RNF216: variants seen among roughly 807,000 people sequenced by gnomAD.
The protein encoded by RNF216 is ring finger protein 216.
RNF216 carries 72 observed loss-of-function variants against 110.8 expected under a neutral mutation model. That is an observed-to-expected ratio of 0.65 (90% CI 0.54 to 0.79). The LOEUF (loss-of-function observed/expected upper bound fraction) is 0.79, where lower values mean the gene tolerates loss of function less well. RNF216 is among the 30% of genes least tolerant of loss of function. The pLI is 0.00. For synonymous variants in RNF216, 495 were observed against 407.5 expected, an observed-to-expected ratio of 1.21 and a Z score of -2.59; for missense variants, 1,342 against 1,141.2, an observed-to-expected ratio of 1.18 and a Z score of -2.54.
Position 5,621,950 on chromosome 7 carries a change from C to G in RNF216, c.*910G>C, listed in dbSNP as rs546093849. 2.0e-5 allele frequency: 3 copies of G among 152,506 alleles called. No individual in the cohort carries two copies. Among genetic ancestry groups the G allele is most frequent in the South Asian group, 2.1e-4 (1 of 4,814 alleles). 9.4% of individuals were successfully genotyped at this position (152,506 alleles called of 1,614,324 possible). On this transcript the variant is annotated 3_prime_UTR_variant, in exon 17 of 17. Transcript: ENST00000389902. ...CCACTGAGAACACCCGGGGCACACACGGGGCAGGGGTGGCACCCAGGGTCA... is the reference window on the plus strand; with the variant it reads ...CCACTGAGAACACCCGGGGCACACAGGGGGCAGGGGTGGCACCCAGGGTCA...
chr7:5,727,178 T>C (rs1375133485), intron 7 of RNF216, among the ~76,000 whole-genome samples: 1 of 152,204 alleles, frequency 6.6e-6, no homozygotes, highest in Non-Finnish European at 1.5e-5. Context: ...TAATCCCCAG[T>C]GTGGCGGTGT....
intron 13 of RNF216, 87 bp from the exon 14 acceptor site, chr7:5,652,597 C>A: frequency 1.2e-6 from 1 of 835,228 alleles, no homozygotes; most frequent in Non-Finnish European, 2.0e-6. Context: ...ATGAAATGAG[C>A]TTTACTTGGC....
intron 1 of RNF216, among the ~76,000 whole-genome samples, chr7:5,765,889 G>GT (rs553852594): frequency 4.6e-4 from 69 of 149,622 alleles, no homozygotes; most frequent in Non-Finnish European, 9.0e-4. Flanking sequence ...GGAGGCAGAG[G>GT]TTGCAGTGAG....
chr7:5,721,245 C>G (rs1793407014), intron 8 of RNF216, 73 bp from the exon 9 acceptor site: 1 of 1,347,790 alleles, frequency 7.4e-7, no homozygotes, highest in South Asian at 1.2e-5. Context: ...CATGTCCATT[C>G]TTCCCGGCCT....
chr7:5,728,703 C>T (rs1177272609), intron 7 of RNF216, among the ~76,000 whole-genome samples: 5 of 152,230 alleles, frequency 3.3e-5, no homozygotes, highest in Non-Finnish European at 7.3e-5. Flanking sequence ...ATTTTAACCA[C>T]TACGATAACT....
Position 5,721,151 on chromosome 7 carries a change from C to G in RNF216, c.1526G>C (p.Arg509Thr). The G allele has an allele frequency of 6.2e-7, 1 of 1,614,064 alleles. No individual in the cohort carries two copies. Among genetic ancestry groups the G allele is most frequent in the African/African-American group, 1.3e-5 (1 of 75,046 alleles). Residue 509 changes from arginine to threonine, a missense_variant, in exon 9 of 17, where the codon AGG becomes ACG. Coordinates refer to ENST00000389902, the MANE Select transcript of RNF216 (RefSeq NM_207111.4). The part of the protein sequence containing the change: ...FEQGDIKIEK[R>T]MFFLENKRRH... ...TCGCTTATTTTCAAGAAAGAACATCCTCTTTTCTATTTTTATGTCACCTAG... is the reference window on the plus strand; with the variant it reads ...TCGCTTATTTTCAAGAAAGAACATCGTCTTTTCTATTTTTATGTCACCTAG...
chr7:5,711,361 C>T (rs755046862), intron 13 of RNF216, among the ~76,000 whole-genome samples: 3 of 152,094 alleles, frequency 2.0e-5, no homozygotes, highest in African/African-American at 4.8e-5. Context: ...AAAGAAGCGT[C>T]GTTTGGACTT....
intron 14 of RNF216, among the ~76,000 whole-genome samples, chr7:5,651,370 G>A (rs942085239): frequency 2.0e-5 from 3 of 152,038 alleles, no homozygotes; most frequent in African/African-American, 4.8e-5. Context: ...GGGACTACAG[G>A]TGCGTGCCCA....
intron 13 of RNF216, among the ~76,000 whole-genome samples, chr7:5,698,382 T>TACACACAC (rs1301943842): frequency 2.6e-4 from 20 of 76,430 alleles, no homozygotes; most frequent in African/African-American, 6.2e-4. Context: ...TAGATTCTTT[T>TACACACAC]ATACACACAC....
intron 3 of RNF216, among the ~76,000 whole-genome samples, chr7:5,747,464 G>A (rs1795086601): frequency 1.3e-5 from 2 of 152,226 alleles, no homozygotes; most frequent in Non-Finnish European, 2.9e-5. Flanking sequence ...GGCAAAGCCT[G>A]AAATATCAGA....
Position 5,664,249 on chromosome 7 carries a change from A to C in RNF216, c.2062-11739T>G, listed in dbSNP as rs113848092. ...ATTGGGTCTTATTTATAATTATGCCAAGTATTTTATGAGAAAATGAAATTA... is the reference window on the plus strand; with the variant it reads ...ATTGGGTCTTATTTATAATTATGCCCAGTATTTTATGAGAAAATGAAATTA... On this transcript the variant is annotated intron_variant, in intron 13 of 16. Transcript: ENST00000389902. 1.9e-3 allele frequency among the ~76,000 whole-genome samples: 288 copies of C among 152,328 alleles called. 4 individuals are homozygous for C. Among genetic ancestry groups the C allele is most frequent in the Middle Eastern group, 0.01 (3 of 294 alleles).
intron 5 of RNF216, among the ~76,000 whole-genome samples, 170 bp from the exon 6 acceptor site, chr7:5,730,987 G>A (rs1364740830): frequency 6.6e-6 from 1 of 152,160 alleles, no homozygotes; most frequent in Non-Finnish European, 1.5e-5. Context: ...ACAAACAACT[G>A]CACTGAATTT....
At chr7:5,660,191 G>A (rs569393551) in intron 13 of RNF216, among the ~76,000 whole-genome samples, 12 of 143,966 alleles carry the variant, frequency 8.3e-5, no homozygotes, top group Middle Eastern at 8.6e-3. Context: ...GGGCTCAAGC[G>A]ATCTGCCCAC....
chr7:5,716,459 T>C (rs1793071100), intron 10 of RNF216, among the ~76,000 whole-genome samples: 1 of 152,082 alleles, frequency 6.6e-6, no homozygotes, highest in African/African-American at 2.4e-5. Context: ...AAACTTTCCT[T>C]TATGAGTGTA....
intron 15 of RNF216, among the ~76,000 whole-genome samples, chr7:5,639,470 A>AT (rs1227588519): frequency 3.0e-4 from 44 of 147,846 alleles, no homozygotes; most frequent in Middle Eastern, 3.5e-3. Context: ...ATGGCTCCAC[A>AT]TTTTTTTTTT....
chr7:5,666,274 ATG>A (rs1789517351), intron 13 of RNF216, among the ~76,000 whole-genome samples: 1 of 152,136 alleles, frequency 6.6e-6, no homozygotes, highest in South Asian at 2.1e-4. Context: ...CAGTTAAGAC[ATG>A]ATTGTAAGTG....
At chr7:5,709,870 TCA>T (rs1424426015) in intron 13 of RNF216, among the ~76,000 whole-genome samples, 2 of 152,204 alleles carry the variant, frequency 1.3e-5, no homozygotes, top group Non-Finnish European at 1.5e-5. Flanking sequence ...TTGTCCTGCC[TCA>T]GTCTCTTAAG....
chr7:5,625,317 G>A (rs2128555802), intron 15 of RNF216, among the ~76,000 whole-genome samples: 1 of 152,352 alleles, frequency 6.6e-6, no homozygotes, highest in Non-Finnish European at 1.5e-5. Flanking sequence ...GAGAGGATTA[G>A]CAAGTCCCAA....
At chr7:5,780,603 G>A (rs1289301697) in intron 1 of RNF216, among the ~76,000 whole-genome samples, 4 of 152,060 alleles carry the variant, frequency 2.6e-5, no homozygotes, top group Non-Finnish European at 5.9e-5. Context: ...TCCCTGTGAG[G>A]CTGAGGCAGG....
Sources: allele counts gnomAD v4.1 joint callset (sites outside exome capture counted in the v4.1 genomes callset), GRCh38; gene constraint gnomAD v4.1.1; transcripts MANE v1.5; gene names NCBI Gene and HGNC (gene_info 2026-07-23, HGNC 2026-07-21).